STK4: variants seen among roughly 807,000 people sequenced by gnomAD.
The protein encoded by STK4 is serine/threonine kinase 4, also known as serine/threonine-protein kinase 4.
Under a neutral mutation model 64.9 loss-of-function variants are expected in STK4, and 30 were observed. The ratio of observed to expected loss-of-function variants is 0.46; its 90% confidence interval spans 0.35 to 0.63. The LOEUF is 0.63. STK4 is among the 20% of genes least tolerant of loss of function. The pLI, the probability that STK4 is intolerant of heterozygous loss-of-function variation, is 0.01. For missense variants in STK4, 466 were observed against 598.5 expected (o/e 0.78, Z 2.31); for synonymous variants, 177 against 199.0 (o/e 0.89, Z 0.93).
rs114413369 is a variant in STK4 at position 45,041,079 on chromosome 20, A to G, written c.1305+15949A>G. On this transcript the variant is annotated intron_variant, in intron 10 of 10. Coordinates refer to ENST00000372806, the MANE Select transcript of STK4 (RefSeq NM_006282.5). ...ATTATATGTTAAAGCTACTGGGAAT[A>G]ATTTCTACGTGGTTATGCCACAAAC... Among the ~76,000 whole-genome samples the G allele has an allele frequency of 3.3e-3, 507 of 152,316 alleles. 5 individuals carry two copies. The highest frequency in any genetic ancestry group is 0.012 in the African/African-American group (488 of 41,572).
rs192375312 is a variant in STK4, at chr20:45,076,860, A to G, written c.*1684A>G. 1 of 152,324 alleles carries G rather than the reference A, an allele frequency of 6.6e-6. No individual in the cohort carries two copies. Among genetic ancestry groups the G allele is most frequent in the African/African-American group, 2.4e-5 (1 of 41,564 alleles). The allele number at this position is 152,324 out of a possible 1,614,324, so 9.4% of individuals were successfully genotyped here. ...AGATTCTGTTATTTGCAATTAAAGC[A>G]AGTTTTTAAAAAATGCAAGAGGCAG... On this transcript the variant is annotated 3_prime_UTR_variant, in exon 11 of 11. Transcript: ENST00000372806. This position sits in a 1 kb window ranked among gnomAD's most constrained non-coding sequence, Gnocchi z 4.0.
chr20:45,046,265 CAAA>C (rs56077065), intron 10 of STK4, among the ~76,000 whole-genome samples: 2 of 119,708 alleles, frequency 1.7e-5, no homozygotes, highest in African/African-American at 6.2e-5. Context: ...CCTGTATCTA[CAAA>C]AAAAAAAAAA....
rs545381981 is a variant in STK4, at chr20:44,978,504, C to G, written c.178C>G (p.Gln60Glu). Residue 60 changes from glutamine to glutamate, a missense_variant, in exon 3 of 11, where the codon CAA (glutamine) becomes GAA (glutamate). Transcript: ENST00000372806. ...GACCGGCCAGATTGTTGCTATTAAG[C>G]AAGTTCCTGTGGAATCAGACCTCCA... ...KETGQIVAIK[Q>E]VPVESDLQEI... 1.9e-6 allele frequency: 3 copies of G among 1,614,124 alleles called. No homozygotes were observed. The highest frequency in any genetic ancestry group is 1.7e-6 in the Non-Finnish European group (2 of 1,180,022).
intron 10 of STK4, among the ~76,000 whole-genome samples, chr20:45,035,578 A>G (rs1340287696): frequency 6.6e-6 from 1 of 152,174 alleles, no homozygotes; most frequent in South Asian, 2.1e-4. Context: ...TGGCCCTCAC[A>G]TATTAATTCA....
chr20:45,030,835 A>G (rs969419558), intron 10 of STK4, among the ~76,000 whole-genome samples: 1 of 152,206 alleles, frequency 6.6e-6, no homozygotes, highest in Admixed American at 6.5e-5. Context: ...ATAAAGCCAC[A>G]AACAGCTGTA....
At chr20:45,001,379 CT>C (rs1459521803) in intron 9 of STK4, 26 bp downstream of exon 9, 6 of 1,589,544 alleles carry the variant, frequency 3.8e-6, no homozygotes, top group Non-Finnish European at 5.2e-6. Context: ...AATTCACTGA[CT>C]TCTTAGACCA....
Position 44,970,752 on chromosome 20 carries a change from A to C in STK4, c.36-1326A>C, listed in dbSNP as rs919749204. The C allele has an allele frequency of 2.5e-4, 38 of 152,224 alleles. 1 individual carries two copies. The highest frequency in any genetic ancestry group is 9.1e-4 in the African/African-American group (38 of 41,534). 9.4% of individuals were successfully genotyped at this position (152,224 alleles called of 1,614,324 possible). ...CCATTTCTCTAGTTTATAGTCCTTG[A>C]TATTCATAAACTATAAGATTGTCCT... On this transcript the variant is annotated intron_variant, in intron 1 of 10. Transcript: ENST00000372806.
chr20:44,970,443 A>G (rs1041115766), intron 1 of STK4: 2 of 152,144 alleles, frequency 1.3e-5, no homozygotes, highest in Admixed American at 6.5e-5. Flanking sequence ...AACTTTGATT[A>G]TACTTGAGAA....
intron 7 of STK4, among the ~76,000 whole-genome samples, chr20:44,999,995 A>T (rs1461898286): frequency 1.3e-5 from 2 of 152,216 alleles, no homozygotes. Flanking sequence ...AATCTGCCAC[A>T]GTTCATGGTC....
chr20:45,043,715 TG>T (rs2068649026), intron 10 of STK4, among the ~76,000 whole-genome samples: 1 of 152,208 alleles, frequency 6.6e-6, no homozygotes, highest in Admixed American at 6.5e-5. Context: ...GGATTAGAGA[TG>T]GTCAACAGGT....
intron 5 of STK4, among the ~76,000 whole-genome samples, chr20:44,988,533 G>GTGTGTGTGTGTGTATATATA (rs1221720136): frequency 5.6e-4 from 57 of 101,564 alleles, no homozygotes; most frequent in African/African-American, 2.5e-3. Flanking sequence ...ATGTGTGTGT[G>GTGTGTGTGTGTGTATATATA]TATATATATA....
intron 7 of STK4, among the ~76,000 whole-genome samples, chr20:44,999,067 C>CA (rs71339807): frequency 0.12 from 14,724 of 127,498 alleles, 1,074 homozygotes; most frequent in African/African-American, 0.22. Context: ...GACTCCATCT[C>CA]AAAAAAAAAA....
At chr20:44,980,903 C>T (rs1054318998) in intron 3 of STK4, among the ~76,000 whole-genome samples, 10 of 152,014 alleles carry the variant, frequency 6.6e-5, no homozygotes, top group African/African-American at 1.9e-4. Context: ...CTCCTGACCT[C>T]GGGATCCGCC....
At chr20:45,035,615 T>C (rs2097451) in intron 10 of STK4, among the ~76,000 whole-genome samples, 7 of 152,182 alleles carry the variant, frequency 4.6e-5, no homozygotes, top group Non-Finnish European at 1.0e-4. Context: ...GTTCTCTGTG[T>C]GTACTATGTG....
chr20:45,041,826 C>A (rs963888767), intron 10 of STK4, among the ~76,000 whole-genome samples: 1 of 152,072 alleles, frequency 6.6e-6, no homozygotes, highest in African/African-American at 2.4e-5. Context: ...AATCAATCTC[C>A]TGGCAAACAT....
chr20:44,967,506 G>A (rs548794683), intron 1 of STK4, among the ~76,000 whole-genome samples: 1 of 152,292 alleles, frequency 6.6e-6, no homozygotes, highest in East Asian at 1.9e-4. Context: ...TTTCCCTTGT[G>A]GACATCCCGG....
chr20:45,025,202 A>G (rs2068324053), intron 10 of STK4, 72 bp downstream of exon 10: 4 of 1,517,488 alleles, frequency 2.6e-6, no homozygotes, highest in Non-Finnish European at 2.7e-6. Flanking sequence ...TTAGTGCCCA[A>G]GCATTTTCTT....
intron 9 of STK4, among the ~76,000 whole-genome samples, chr20:45,005,306 C>T (rs1412642538): frequency 1.3e-5 from 2 of 152,260 alleles, no homozygotes; most frequent in East Asian, 3.9e-4. Flanking sequence ...CTGCCTCTCT[C>T]ATATTTTGTT....
chr20:45,074,622 T>C (rs910837463), intron 10 of STK4, among the ~76,000 whole-genome samples: 5 of 152,126 alleles, frequency 3.3e-5, no homozygotes, highest in Non-Finnish European at 7.4e-5. Flanking sequence ...TAGACGCTTA[T>C]CTCGTAGACA....
Sources: gnomAD v4.1 joint callset for allele counts (sites outside exome capture counted in the v4.1 genomes callset) on GRCh38, gnomAD v4.1.1 for gene constraint, Gnocchi (gnomAD v3.1) non-coding constraint, MANE v1.5 for transcripts, NCBI Gene and HGNC (gene_info 2026-07-23, HGNC 2026-07-21) for gene names.